The following RYR2 variants were observed in gnomAD, a reference collection of about 807,000 sequenced individuals.
RYR2 encodes the protein cardiac muscle ryanodine receptor-calcium release channel.
A neutral mutation model predicts 601.1 loss-of-function variants in RYR2; 227 were observed. The observed-to-expected ratio is 0.38, with a 90% CI of 0.34 to 0.42. The LOEUF (loss-of-function observed/expected upper bound fraction) is 0.42. Ranked by LOEUF, RYR2 falls within the 10% of genes least tolerant of loss-of-function variation. The pLI is 1.00. For missense variants in RYR2, 4,646 were observed against 6,156.5 expected (o/e 0.75, Z 8.21); for synonymous variants, 2,223 against 2,175.1 (o/e 1.02, Z -0.61).
intron 29 of RYR2, among the ~76,000 whole-genome samples, chr1:237,574,854 T>C (rs1474674868): frequency 1.3e-5 from 2 of 152,210 alleles, no homozygotes; most frequent in African/African-American, 2.4e-5. Flanking sequence ...ACCATCTTGA[T>C]TATATCCTTG....
intron 1 of RYR2, among the ~76,000 whole-genome samples, chr1:237,167,619 T>G (rs1676855114): frequency 6.6e-6 from 1 of 152,176 alleles, no homozygotes; most frequent in South Asian, 2.1e-4. Flanking sequence ...AAAATTTTTT[T>G]GGAAGTTGAT....
At chr1:237,818,609 G>C (rs1662096400) in intron 100 of RYR2, among the ~76,000 whole-genome samples, 2 of 151,882 alleles carry the variant, frequency 1.3e-5, no homozygotes, top group South Asian at 4.2e-4. Context: ...TTTTCTTCTA[G>C]CTTAATTTCT....
chr1:237,332,922 T>G (rs1358311537), intron 3 of RYR2, among the ~76,000 whole-genome samples: 2 of 151,186 alleles, frequency 1.3e-5, no homozygotes, highest in African/African-American at 4.8e-5. Context: ...GCTCAAACAA[T>G]CCTCCTGCCT....
chr1:237,727,449 A>G (rs1213759271), intron 76 of RYR2, among the ~76,000 whole-genome samples: 1 of 152,194 alleles, frequency 6.6e-6, no homozygotes, highest in Non-Finnish European at 1.5e-5. Context: ...GAGAGTCATT[A>G]GGAGTTCTTT....
intron 10 of RYR2, among the ~76,000 whole-genome samples, chr1:237,390,566 G>C (rs1702293830): frequency 6.7e-6 from 1 of 150,116 alleles, no homozygotes; most frequent in South Asian, 2.1e-4. Flanking sequence ...CATTTAGCCA[G>C]ATATGATTGA....
intron 1 of RYR2, among the ~76,000 whole-genome samples, chr1:237,155,996 T>C (rs1675288721): frequency 6.6e-6 from 1 of 152,260 alleles, no homozygotes; most frequent in Non-Finnish European, 1.5e-5. Flanking sequence ...TTTACCCTGC[T>C]GTTCCCTCTG....
At chr1:237,148,470 C>T (rs796615604) in intron 1 of RYR2, among the ~76,000 whole-genome samples, 40 of 145,960 alleles carry the variant, frequency 2.7e-4, no homozygotes, top group Middle Eastern at 3.5e-3. Context: ...TGTATACCTA[C>T]GTAACAAACC....
chr1:237,412,027 A>C (rs1028608507), intron 10 of RYR2, among the ~76,000 whole-genome samples: 7 of 152,168 alleles, frequency 4.6e-5, no homozygotes, highest in Non-Finnish European at 8.8e-5. Context: ...CTGTCAAGCT[A>C]TGAAGAACTC....
chr1:237,286,827 C>T (rs954366928), intron 2 of RYR2, among the ~76,000 whole-genome samples: 1 of 151,766 alleles, frequency 6.6e-6, no homozygotes, highest in Non-Finnish European at 1.5e-5. Context: ...TGTGAGGTAC[C>T]CTTGCATTCA....
At chr1:237,798,860 A>ATCTC (rs1217898033) in intron 97 of RYR2, among the ~76,000 whole-genome samples, 2 of 152,222 alleles carry the variant, frequency 1.3e-5, no homozygotes, top group East Asian at 1.9e-4. Context: ...GATCAACTGA[A>ATCTC]TCTCTGGAAT....
At position 237,649,893 on chromosome 1, in the gene RYR2, C is replaced by T. The variant is rs748865411; in HGVS notation, c.7529C>T (p.Thr2510Ile). 4 of 1,613,730 alleles carry T rather than the reference C, an allele frequency of 2.5e-6. No individual in the cohort carries two copies. The highest frequency in any genetic ancestry group is 2.7e-5 in the African/African-American group (2 of 74,930). ...ASLDTAALSA[T>I]DMALALNRYL... ...CTTTTTCAGGCAGCTTTGAGTGCTA[C>T]AGACATGGCCTTGGCCCTCAATCGG... Residue 2510 changes from threonine (T) to isoleucine (I), a missense_variant, in exon 50 of 105, where the codon ACA (threonine) becomes ATA (isoleucine). Transcript: ENST00000366574.
At chr1:237,318,539 T>C (rs1033079317) in intron 2 of RYR2, among the ~76,000 whole-genome samples, 1 of 152,184 alleles carries the variant, frequency 6.6e-6, no homozygotes, top group African/African-American at 2.4e-5. Flanking sequence ...TTTGTTTATC[T>C]GCAAATGTCT....
chr1:237,155,940 A>AT (rs1255498613), intron 1 of RYR2, among the ~76,000 whole-genome samples: 6 of 152,174 alleles, frequency 3.9e-5, no homozygotes, highest in African/African-American at 1.4e-4. Context: ...GCCTGTAAGT[A>AT]TTTTTTATAG....
chr1:237,733,720 T>C lies in RYR2; in HGVS notation c.11055T>C (p.Asp3685=), dbSNP rs368014495. ...ALTEKCKLEE[D]FLYMAYADIM... is the part of the protein sequence containing the mutation. ...CTTTCCCCAGCAAACTGGAGGAAGA[T>C]TTTTTATATATGGCCTATGCAGATA... Residue 3685 remains aspartate, a synonymous_variant, in exon 79 of 105, where the codon GAT becomes GAC. Coordinates refer to ENST00000366574, the MANE Select transcript of RYR2 (RefSeq NM_001035.3). The C allele has an allele frequency of 7.5e-6, 12 of 1,609,706 alleles. No homozygotes were observed. Among genetic ancestry groups the C allele is most frequent in the Non-Finnish European group, 1.0e-5 (12 of 1,176,746 alleles).
intron 27 of RYR2, among the ~76,000 whole-genome samples, chr1:237,565,445 CTT>C (rs1447539445): frequency 6.6e-6 from 1 of 151,860 alleles, no homozygotes; most frequent in Admixed American, 6.6e-5. Flanking sequence ...TTTTTAAACT[CTT>C]TGTAGAGACA....
chr1:237,158,343 G>A (rs1675623231), intron 1 of RYR2, among the ~76,000 whole-genome samples: 1 of 152,140 alleles, frequency 6.6e-6, no homozygotes, highest in African/African-American at 2.4e-5. Context: ...TAAAGGGAAA[G>A]GACATTGAAG....
chr1:237,340,968 A>G (rs768841237), intron 3 of RYR2, among the ~76,000 whole-genome samples: 1 of 152,204 alleles, frequency 6.6e-6, no homozygotes, highest in Admixed American at 6.5e-5. Context: ...TTCTGTTTCT[A>G]GAAAGACAAC....
chr1:237,477,093 T>G (rs1370289757), intron 17 of RYR2, among the ~76,000 whole-genome samples: 2 of 152,240 alleles, frequency 1.3e-5, no homozygotes, highest in African/African-American at 2.4e-5. Context: ...GAAAAACTGC[T>G]TATTAGAAAA....
intron 80 of RYR2, among the ~76,000 whole-genome samples, chr1:237,749,336 A>G (rs897084252): frequency 2.0e-5 from 3 of 152,220 alleles, no homozygotes; most frequent in African/African-American, 7.2e-5. Flanking sequence ...GGCTAATTAT[A>G]GTATCTACTT....
Sources: gnomAD v4.1 joint callset for allele counts (sites outside exome capture counted in the v4.1 genomes callset) on GRCh38, gnomAD v4.1.1 for gene constraint, MANE v1.5 for transcripts, NCBI Gene and HGNC (gene_info 2026-07-23, HGNC 2026-07-21) for gene names.